TIAM2: variants seen among roughly 807,000 people sequenced by gnomAD.
TIAM2 encodes the protein TIAM Rac1 associated GEF 2.
Under a neutral mutation model 152.9 loss-of-function variants are expected in TIAM2, and 80 were observed. The observed-to-expected ratio is 0.52, with a 90% CI of 0.44 to 0.63. TIAM2 has a LOEUF of 0.63. TIAM2 is among the 30% of genes least tolerant of loss of function. TIAM2 has a pLI of 0.00. For missense variants in TIAM2, 1,965 were observed against 2,120.1 expected (o/e 0.93, Z 1.44); for synonymous variants, 804 against 838.0 (o/e 0.96, Z 0.70).
intron 2 of TIAM2, among the ~76,000 whole-genome samples, chr6:155,126,201 A>G (rs9371865): frequency 0.18 from 26,807 of 152,258 alleles, 2,800 homozygotes; most frequent in South Asian, 0.42. Context: ...AGGGCATTAT[A>G]CTAAGTGAAA....
chr6:155,220,580 C>T (rs559046546), intron 15 of TIAM2, among the ~76,000 whole-genome samples: 1 of 136,136 alleles, frequency 7.3e-6, no homozygotes, highest in East Asian at 2.6e-4. Flanking sequence ...GCCCTTCTTC[C>T]CCTTTCCTTT....
At chr6:155,238,748 G>A (rs1782889816) in intron 15 of TIAM2, among the ~76,000 whole-genome samples, 1 of 152,236 alleles carries the variant, frequency 6.6e-6, no homozygotes, top group South Asian at 2.1e-4. Flanking sequence ...TTCCACAGAA[G>A]TCTTTGTTGA....
At chr6:155,249,302 G>A (rs1415182077) in intron 20 of TIAM2, among the ~76,000 whole-genome samples, 1 of 152,194 alleles carries the variant, frequency 6.6e-6, no homozygotes, top group African/African-American at 2.4e-5. Flanking sequence ...CTGTCAGTCA[G>A]TCATGTACTG....
intron 14 of TIAM2, among the ~76,000 whole-genome samples, chr6:155,204,711 A>G (rs1781555602): frequency 1.3e-5 from 2 of 152,236 alleles, no homozygotes; most frequent in Admixed American, 6.5e-5. Flanking sequence ...AACAATTTTC[A>G]TTCTCATGCC....
intron 1 of TIAM2, among the ~76,000 whole-genome samples, chr6:155,016,894 C>T (rs997813069): frequency 1.1e-4 from 17 of 151,916 alleles, no homozygotes; most frequent in South Asian, 4.2e-4. Context: ...AGCGAGACTC[C>T]ATCTCAAAAT....
intron 15 of TIAM2, among the ~76,000 whole-genome samples, chr6:155,224,843 C>A (rs372452979): frequency 1.3e-5 from 2 of 152,198 alleles, no homozygotes; most frequent in African/African-American, 4.8e-5. Context: ...ATCTGCACAG[C>A]GGGGATTTCA....
intron 15 of TIAM2, among the ~76,000 whole-genome samples, chr6:155,227,324 A>C (rs566347398): frequency 6.6e-6 from 1 of 152,240 alleles, no homozygotes; most frequent in Non-Finnish European, 1.5e-5. Context: ...GACTTAGCCC[A>C]TGGCGAATAC....
At chr6:155,132,814 C>T (rs1779478095) in intron 4 of TIAM2, among the ~76,000 whole-genome samples, 1 of 152,210 alleles carries the variant, frequency 6.6e-6, no homozygotes, top group African/African-American at 2.4e-5. Flanking sequence ...GAGTTTGTTG[C>T]TCATCTGTAT....
intron 2 of TIAM2, among the ~76,000 whole-genome samples, chr6:155,119,973 T>A (rs1489199014): frequency 6.6e-6 from 1 of 152,244 alleles, no homozygotes; most frequent in Non-Finnish European, 1.5e-5. Context: ...ATTCATCGAA[T>A]GGATTTCATA....
chr6:155,248,504 G>T (rs3011905), intron 20 of TIAM2, among the ~76,000 whole-genome samples: 1 of 152,056 alleles, frequency 6.6e-6, no homozygotes, highest in Non-Finnish European at 1.5e-5. Context: ...AAACAGTGCC[G>T]CTGGAACTGA....
intron 1 of TIAM2, among the ~76,000 whole-genome samples, chr6:155,055,762 G>C (rs768121597): frequency 6.6e-6 from 1 of 152,140 alleles, no homozygotes; most frequent in African/African-American, 2.4e-5. Context: ...AGGAGTTTAA[G>C]ACCAGCGTGG....
intron 15 of TIAM2, among the ~76,000 whole-genome samples, chr6:155,217,998 A>G (rs1781907062): frequency 6.6e-6 from 1 of 152,202 alleles, no homozygotes; most frequent in Admixed American, 6.5e-5. Flanking sequence ...AAGAAGCTGA[A>G]GGAAAAGAAA....
intron 1 of TIAM2, among the ~76,000 whole-genome samples, chr6:155,056,313 C>T (rs569610847): frequency 1.3e-4 from 19 of 151,128 alleles, no homozygotes; most frequent in Admixed American, 7.9e-4. Context: ...CTGGGACTGT[C>T]GGCGCCTACC....
chr6:154,996,713 A>C (rs1289211200), intron 1 of TIAM2, among the ~76,000 whole-genome samples: 3 of 152,212 alleles, frequency 2.0e-5, no homozygotes, highest in Non-Finnish European at 4.4e-5. Context: ...AACCAGTAGA[A>C]CTTGTGTGTA....
At chr6:155,232,282 G>A (rs560598691) in intron 15 of TIAM2, among the ~76,000 whole-genome samples, 2 of 150,374 alleles carry the variant, frequency 1.3e-5, no homozygotes, top group Non-Finnish European at 1.5e-5. Context: ...TTTTTTTCCC[G>A]TTTTCCTAAA....
At chr6:155,210,118 G>A (rs1017982957) in intron 14 of TIAM2, among the ~76,000 whole-genome samples, 7 of 152,172 alleles carry the variant, frequency 4.6e-5, no homozygotes, top group African/African-American at 1.7e-4. Context: ...ATAGAGGCTG[G>A]TCTTTCTGTC....
At chr6:155,057,317 G>C (rs917900038) in intron 1 of TIAM2, among the ~76,000 whole-genome samples, 2 of 151,638 alleles carry the variant, frequency 1.3e-5, no homozygotes, top group Admixed American at 6.6e-5. Flanking sequence ...GGGATTACAG[G>C]CATGAGCCAC....
intron 7 of TIAM2, among the ~76,000 whole-genome samples, chr6:155,153,841 C>T (rs915252088): frequency 2.0e-5 from 3 of 152,102 alleles, no homozygotes; most frequent in Non-Finnish European, 2.9e-5. Context: ...AGGCTGTTCT[C>T]AAACTCCTGA....
intron 2 of TIAM2, among the ~76,000 whole-genome samples, chr6:155,095,976 A>G (rs1206732497): frequency 2.0e-5 from 3 of 152,150 alleles, no homozygotes; most frequent in East Asian, 3.8e-4. Flanking sequence ...TTTTCTACCA[A>G]AAACTTTGTT....
Sources: allele counts gnomAD v4.1 joint callset (sites outside exome capture counted in the v4.1 genomes callset), GRCh38; gene constraint gnomAD v4.1.1; transcripts MANE v1.5; gene names NCBI Gene and HGNC (gene_info 2026-07-23, HGNC 2026-07-21).